Variants in BRCA2 observed in about 807,000 individuals in gnomAD.
The protein encoded by BRCA2 is BRCA2 DNA repair associated.
In BRCA2, 203 loss-of-function variants were observed where a neutral mutation model predicts 276.7. That is an observed-to-expected ratio of 0.73 (90% CI 0.65 to 0.82). BRCA2 has a LOEUF of 0.82. Among genes scored for constraint, BRCA2 ranks in the 40% least tolerant of loss-of-function variants. BRCA2 has a pLI of 0.00. For synonymous variants in BRCA2, 1,289 were observed against 1,338.4 expected, an observed-to-expected ratio of 0.96 and a Z score of 0.81; for missense variants, 3,920 against 3,915.0, an observed-to-expected ratio of 1.00 and a Z score of -0.03.
At position 32,332,343 on chromosome 13, in the gene BRCA2, A is replaced by C. The variant is rs766173; in HGVS notation, c.865A>C (p.Asn289His). 66,813 of 1,598,150 alleles carry C rather than the reference A, an allele frequency of 0.042. 2,166 individuals are homozygous for C. The highest frequency in any genetic ancestry group is 0.12 in the East Asian group (5,229 of 44,774). Residue 289 changes from asparagine (N) to histidine (H), a missense_variant, in exon 10 of 27, where the codon AAT (asparagine) becomes CAT (histidine). Physicochemically the swap from Asn to His is moderately conservative, Grantham distance 68. This residue lies in a region of BRCA2 where 3,263 missense variants were observed against 3,156.9 expected (regional missense o/e 1.03). Coordinates refer to ENST00000380152, the MANE Select transcript of BRCA2 (RefSeq NM_000059.4). ...AGACCACATTGGAAAGTCAATGCCA[A>C]ATGTCCTAGAAGATGAAGTATATGA... The part of the protein sequence containing the change: ...CKDHIGKSMP[N>H]VLEDEVYETV...
At chr13:32,319,435 T>A in intron 3 of BRCA2, 110 bp downstream of exon 3, 1 of 1,117,874 alleles carries the variant, frequency 8.9e-7, no homozygotes, top group Non-Finnish European at 1.3e-6. Context: ...GGCAAATCAG[T>A]CTCTCTGGCC....
In BRCA2 at chr13:32,340,080, GATA is replaced by G. The variant is rs28897736; in HGVS notation, c.5728_5730del (p.Asn1910del). 6 of 1,613,888 alleles carry G rather than the reference GATA, an allele frequency of 3.7e-6. No individual in the cohort carries two copies. Among genetic ancestry groups the G allele is most frequent in the African/African-American group, 1.3e-5 (1 of 75,046 alleles). On this transcript the variant is annotated inframe_deletion, in exon 11 of 27. Transcript: ENST00000380152. ...AGAGGATATTCTTCATAACTCTCTA[GATA>G]ATGATGAATGTAGCACGCATTCACA...
At chr13:32,352,187 A>G (rs995813871) in intron 13 of BRCA2, among the ~76,000 whole-genome samples, 8 of 152,128 alleles carry the variant, frequency 5.3e-5, no homozygotes, top group Admixed American at 2.6e-4. Context: ...AGCAGGCTGC[A>G]CATACACATA....
chr13:32,354,507 G>C (rs565179430), intron 13 of BRCA2, among the ~76,000 whole-genome samples: 2 of 152,250 alleles, frequency 1.3e-5, no homozygotes, highest in South Asian at 4.1e-4. Context: ...GGAGACTGAG[G>C]TATTAGGCGG....
chr13:32,343,676 T>C (rs554044670), intron 11 of BRCA2, among the ~76,000 whole-genome samples: 10 of 151,962 alleles, frequency 6.6e-5, no homozygotes, highest in African/African-American at 2.4e-4. Context: ...TCTGTTCTTG[T>C]GCATACTGAA....
At chr13:32,320,089 A>C (rs1483365391) in intron 3 of BRCA2, among the ~76,000 whole-genome samples, 1 of 152,202 alleles carries the variant, frequency 6.6e-6, no homozygotes, top group East Asian at 1.9e-4. Flanking sequence ...AAGAATATGT[A>C]GTGTGTTCAG....
chr13:32,334,771 T>G (rs1051849308), intron 10 of BRCA2, among the ~76,000 whole-genome samples: 1 of 152,224 alleles, frequency 6.6e-6, no homozygotes, highest in African/African-American at 2.4e-5. Context: ...CTGCTGTTGT[T>G]ACATAATTTT....
intron 21 of BRCA2, among the ~76,000 whole-genome samples, chr13:32,377,477 C>G (rs1275717423): frequency 1.3e-5 from 2 of 151,710 alleles, no homozygotes; most frequent in African/African-American, 2.4e-5. Flanking sequence ...GTAATCCCAG[C>G]TGTTCGGGAG....
At position 32,337,832 on chromosome 13, in the gene BRCA2, C is replaced by CAG. The variant is rs878853569; in HGVS notation, c.3481_3482dup (p.Asp1161GlufsTer8). On this transcript the variant is annotated frameshift_variant, in exon 11 of 27. Transcript: ENST00000380152. LOFTEE classifies it high-confidence loss of function. Reference sequence around the variant, plus strand: ...TCTTAAAGACCACTTCTGAGGAATGCAGAGATGCTGATCTTCATGTCATAA... The same window carrying CAG: ...TCTTAAAGACCACTTCTGAGGAATGCAGAGAGATGCTGATCTTCATGTCATAA... 6.2e-7 allele frequency: 1 copy of CAG among 1,614,038 alleles called. No individual in the cohort carries two copies. Among genetic ancestry groups the CAG allele is most frequent in the Admixed American group, 1.7e-5 (1 of 60,010 alleles).
chr13:32,326,086 T>G lies in BRCA2; in HGVS notation c.426-15T>G. On this transcript the variant is annotated splice_polypyrimidine_tract_variant and intron_variant, in intron 4 of 26. Transcript: ENST00000380152. ...TTTTAAAATAACCTAAGGGATTTGC[T>G]TTGTTTTATTTTAGTCCTGTTGTTC... 5 of 1,603,426 alleles carry G rather than the reference T, an allele frequency of 3.1e-6. No individual in the cohort carries two copies. Among genetic ancestry groups the G allele is most frequent in the Non-Finnish European group, 4.3e-6 (5 of 1,173,652 alleles).
chr13:32,357,850 G>A lies in BRCA2; in HGVS notation c.7726G>A (p.Gly2576Arg), dbSNP rs1210418849. Reference sequence around the variant, plus strand: ...TTTTGGTAAGGAAAGTTTATGGACTGGAAAAGGAATACAGTTGGCTGATGG... The same window carrying A: ...TTTTGGTAAGGAAAGTTTATGGACTAGAAAAGGAATACAGTTGGCTGATGG... ...DYFGKESLWT[G>R]KGIQLADGGW... Residue 2576 changes from glycine (G) to arginine (R), a missense_variant, in exon 16 of 27, where the codon GGA (glycine) becomes AGA (arginine). Transcript: ENST00000380152. The A allele has an allele frequency of 5.0e-6, 8 of 1,614,058 alleles. No individual in the cohort carries two copies. Among genetic ancestry groups the A allele is most frequent in the Non-Finnish European group, 6.8e-6 (8 of 1,179,976 alleles).
rs80359227 is a variant in BRCA2, at chr13:32,396,979, A to G, written c.9583A>G (p.Thr3195Ala). ...HANDPKWSTP[T>A]KDCTSGPYTA... Reference sequence around the variant, plus strand: ...AAATGATCCCAAGTGGTCCACCCCAACTAAAGACTGTACTTCAGGGCCGTA... The same window carrying G: ...AAATGATCCCAAGTGGTCCACCCCAGCTAAAGACTGTACTTCAGGGCCGTA... The change falls in exon 26 of 27, where the codon ACT (threonine) becomes GCT (alanine). Residue 3195 changes from threonine to alanine, a missense_variant. Thr to Ala is a moderately conservative substitution (Grantham distance 58). Around this residue, in one of 2 missense-constraint regions of BRCA2, gnomAD observed 657 missense variants for 758.2 expected, o/e 0.87. Coordinates refer to ENST00000380152, the MANE Select transcript of BRCA2 (RefSeq NM_000059.4). The G allele has an allele frequency of 8.7e-6, 14 of 1,614,018 alleles. No homozygotes were observed. Among genetic ancestry groups the G allele is most frequent in the Admixed American group, 5.0e-5 (3 of 60,004 alleles).
At chr13:32,373,076 TC>T (rs958348157) in intron 20 of BRCA2, among the ~76,000 whole-genome samples, 2 of 151,054 alleles carry the variant, frequency 1.3e-5, no homozygotes, top group African/African-American at 4.9e-5. Flanking sequence ...CACTGCAACC[TC>T]CGCCTCCTGT....
rs570512627 is a variant in BRCA2, at chr13:32,364,749, T to C, written c.8331+1216T>C. Among the ~76,000 whole-genome samples, 2 of 152,344 alleles carry C rather than the reference T, an allele frequency of 1.3e-5. 1 individual carries two copies. Among genetic ancestry groups the C allele is most frequent in the South Asian group, 4.1e-4 (2 of 4,828 alleles). ...ATCCTGCCCAATATGTTAAAATTTC[T>C]CCATTGGTTCCATTTCTGTTTCTTG... On this transcript the variant is annotated intron_variant, in intron 18 of 26. Coordinates refer to ENST00000380152, the MANE Select transcript of BRCA2 (RefSeq NM_000059.4).
rs61946969 is a variant in BRCA2 at position 32,372,668 on chromosome 13, G to A, written c.8632+1568G>A. Among the ~76,000 whole-genome samples the A allele has an allele frequency of 0.19, 28,785 of 151,982 alleles. 3,030 individuals carry two copies. The highest frequency in any genetic ancestry group is 0.39 in the East Asian group (2,030 of 5,160). Reference sequence around the variant, plus strand: ...GATGAGATTTGGGTAGGGACACAGAGCCAAACCATATCATTCTGCCCTGGA... The same window carrying A: ...GATGAGATTTGGGTAGGGACACAGAACCAAACCATATCATTCTGCCCTGGA... On this transcript the variant is annotated intron_variant, in intron 20 of 26. Transcript: ENST00000380152.
rs80358711 is a variant in BRCA2 at position 32,339,244 on chromosome 13, C to T, written c.4889C>T (p.Ser1630Leu). ...AGACAAACTGAAAATCTCAAAACAT[C>T]AAAAAGTATCTTTTTGAAAGTTAAA... ...LCRQTENLKTSKSIFLKVKVH... is the reference protein window; with the variant it reads ...LCRQTENLKTLKSIFLKVKVH... The change falls in exon 11 of 27, where the codon TCA becomes TTA. Residue 1630 changes from serine to leucine, a missense_variant. By Grantham distance (145) the Ser-to-Leu change is moderately radical (BLOSUM62 -2). Coordinates refer to ENST00000380152, the MANE Select transcript of BRCA2 (RefSeq NM_000059.4). The T allele has an allele frequency of 1.2e-6, 2 of 1,612,464 alleles. No individual in the cohort carries two copies. Among genetic ancestry groups the T allele is most frequent in the Non-Finnish European group, 8.5e-7 (1 of 1,179,444 alleles).
At chr13:32,350,779 TA>T (rs2072643998) in intron 13 of BRCA2, among the ~76,000 whole-genome samples, 1 of 151,652 alleles carries the variant, frequency 6.6e-6, no homozygotes, top group Non-Finnish European at 1.5e-5. Flanking sequence ...AATAAAAAAA[TA>T]AAATAAAATA....
At position 32,378,476 on chromosome 13, in the gene BRCA2, T is replaced by C. The variant is rs11571766; in HGVS notation, c.8755-841T>C. Among the ~76,000 whole-genome samples the C allele has an allele frequency of 0.012, 1,831 of 152,310 alleles. 38 individuals are homozygous for C. Among genetic ancestry groups the C allele is most frequent in the African/African-American group, 0.042 (1,731 of 41,584 alleles). ...TGAATGATGGCCTTTTGAAATCAGG[T>C]TTTACAACAAAATTGTTTAAACACT... On this transcript the variant is annotated intron_variant, in intron 21 of 26. Transcript: ENST00000380152.
At position 32,329,863 on chromosome 13, in the gene BRCA2, T is replaced by G. The variant is rs561803400; in HGVS notation, c.681+371T>G. Among the ~76,000 whole-genome samples the G allele has an allele frequency of 3.3e-5, 5 of 152,252 alleles. No homozygotes were observed. The South Asian group carries it at 1.0e-3, about 32-fold the overall frequency. On this transcript the variant is annotated intron_variant, in intron 8 of 26. Coordinates refer to ENST00000380152, the MANE Select transcript of BRCA2 (RefSeq NM_000059.4). ...TAAGCACATACCCTGTGATAAAGTT[T>G]AATTCATAAATTAGGCACAGTAAGA...
Sources: allele counts gnomAD v4.1 joint callset (sites outside exome capture counted in the v4.1 genomes callset), GRCh38; gene constraint gnomAD v4.1.1; regional missense constraint gnomAD v4.1.1; transcripts MANE v1.5; gene names NCBI Gene and HGNC (gene_info 2026-07-23, HGNC 2026-07-21).